Variants in ROCK2 observed in about 807,000 individuals in gnomAD.
The protein encoded by ROCK2 is Rho associated coiled-coil containing protein kinase 2.
Under a neutral mutation model 195.1 loss-of-function variants are expected in ROCK2, and 61 were observed. The observed-to-expected ratio is 0.31, with a 90% confidence interval of 0.25 to 0.39. The LOEUF (loss-of-function observed/expected upper bound fraction) is 0.39, where lower values mean the gene tolerates loss of function less well. Ranked by LOEUF, ROCK2 falls within the 10% of genes least tolerant of loss-of-function variation. ROCK2 has a pLI of 1.00. For synonymous variants in ROCK2, 504 were observed against 545.5 expected (o/e 0.92, Z 1.06); for missense variants, 1,109 against 1,637.4 (o/e 0.68, Z 5.57).
At chr2:11,198,120 C>A (rs751002505) in intron 25 of ROCK2, among the ~76,000 whole-genome samples, 17 of 152,154 alleles carry the variant, frequency 1.1e-4, no homozygotes, top group Non-Finnish European at 2.1e-4. Context: ...TAGTACCCCA[C>A]CTGTTCATGC....
chr2:11,192,164 C>A lies in ROCK2; in HGVS notation c.4147G>T (p.Ala1383Ser). 1 of 1,605,062 alleles carries A rather than the reference C, an allele frequency of 6.2e-7. No homozygotes were observed. Among genetic ancestry groups the A allele is most frequent in the Non-Finnish European group, 8.5e-7 (1 of 1,176,150 alleles). Residue 1383 changes from alanine to serine, a missense_variant, in exon 32 of 33, where the codon GCC (alanine) becomes TCC (serine). Physicochemically the swap from Ala to Ser is moderately conservative, Grantham distance 99 (BLOSUM62 1). Transcript: ENST00000315872. The surrounding 1 kb of genome is among the most constrained non-coding windows in gnomAD (Gnocchi z 5.0). ...GTTTATTACCTAGGTTTGTTTGGGG[C>A]AAGCTGTCGACTTGGCCGTCTAATA... ...QSIRRPSRQLAPNKPS is the reference protein window; with the variant it reads ...QSIRRPSRQLSPNKPS
At chr2:11,286,455 A>G in intron 3 of ROCK2, 84 bp downstream of exon 3, 1 of 838,968 alleles carries the variant, frequency 1.2e-6, no homozygotes, top group Non-Finnish European at 1.9e-6. Flanking sequence ...TGGGCATAGA[A>G]ATTAGATCTA....
rs1281241289 is a variant in ROCK2 at position 11,235,190 on chromosome 2, C to T, written c.723+512G>A. On this transcript the variant is annotated intron_variant, in intron 5 of 32. Coordinates refer to ENST00000315872, the MANE Select transcript of ROCK2 (RefSeq NM_004850.5). The surrounding 1 kb of genome is among the most constrained non-coding windows in gnomAD (Gnocchi z 4.2). ...GGTTAATGCCACTGAACCTATCAAT[C>T]ATAATATGAATTGATCAACAGGTAA... Among the ~76,000 whole-genome samples, 1 of 152,088 alleles carries T rather than the reference C, an allele frequency of 6.6e-6. No individual in the cohort carries two copies. The highest frequency in any genetic ancestry group is 2.4e-5 in the African/African-American group (1 of 41,412).
At chr2:11,306,229 T>C (rs35407012) in intron 1 of ROCK2, among the ~76,000 whole-genome samples, 60,200 of 152,024 alleles carry the variant, frequency 0.4, 13,497 homozygotes, top group Admixed American at 0.52. Flanking sequence ...AAAAGGCATG[T>C]TCCTGACTCA....
chr2:11,276,627 A>G (rs1666835947), intron 3 of ROCK2, among the ~76,000 whole-genome samples: 1 of 152,222 alleles, frequency 6.6e-6, no homozygotes, highest in South Asian at 2.1e-4. Context: ...TGTAACTCCA[A>G]TGATGTTTCT....
chr2:11,207,449 A>G (rs944320419), intron 20 of ROCK2, among the ~76,000 whole-genome samples: 3 of 152,202 alleles, frequency 2.0e-5, no homozygotes, highest in African/African-American at 7.2e-5. Context: ...GGAGGAATCT[A>G]AAAGCATGGT....
intron 14 of ROCK2, 21 bp downstream of exon 14, chr2:11,215,485 GTAAT>G (rs767738766): frequency 9.9e-6 from 16 of 1,608,096 alleles, no homozygotes; most frequent in African/African-American, 9.4e-5. Flanking sequence ...TTCTTGATGA[GTAAT>G]TAATATTCTA....
At chr2:11,251,209 C>T (rs1424972269) in intron 3 of ROCK2, among the ~76,000 whole-genome samples, 1 of 152,184 alleles carries the variant, frequency 6.6e-6, no homozygotes, top group African/African-American at 2.4e-5. Context: ...TTATTTATCA[C>T]CTATTTCTCA....
intron 3 of ROCK2, among the ~76,000 whole-genome samples, chr2:11,268,522 CTGTGTGTGTGTGTGTGTGTGTG>C (rs70953378): frequency 7.1e-6 from 1 of 140,554 alleles, no homozygotes; most frequent in Non-Finnish European, 1.6e-5. Flanking sequence ...CAGTTTTGCA[CTGTGTGTGTGTGTGTGTGTGTG>C]TGTGTGTGTG....
chr2:11,268,435 T>C (rs1460789784), intron 3 of ROCK2, among the ~76,000 whole-genome samples: 5 of 152,000 alleles, frequency 3.3e-5, no homozygotes, highest in Non-Finnish European at 7.4e-5. Flanking sequence ...ATTCGCTTCT[T>C]AAGGTCAGCC....
At chr2:11,196,245 C>A (rs141708534) in intron 27 of ROCK2, among the ~76,000 whole-genome samples, 41 of 152,294 alleles carry the variant, frequency 2.7e-4, no homozygotes, top group African/African-American at 9.4e-4. Context: ...GGGTAACGAT[C>A]GGGCCAAATT....
Position 11,207,858 on chromosome 2 carries a change from G to A in ROCK2, c.2417C>T (p.Thr806Ile). ...IEQETQKRCL[T>I]QNDLKMQTQQ... Reference sequence around the variant, plus strand: ...TGTTTGCATCTTCAGGTCATTTTGTGTAAGGCAGCGCTTCTGAGTTTCTTG... The same window carrying A: ...TGTTTGCATCTTCAGGTCATTTTGTATAAGGCAGCGCTTCTGAGTTTCTTG... Residue 806 changes from threonine (T) to isoleucine (I), a missense_variant, in exon 20 of 33, where the codon ACA (threonine) becomes ATA (isoleucine). Thr to Ile is a moderately conservative substitution (Grantham distance 89). Transcript: ENST00000315872. The A allele has an allele frequency of 6.2e-7, 1 of 1,606,798 alleles. No homozygotes were observed.
At chr2:11,198,157 C>T (rs1474497042) in intron 25 of ROCK2, among the ~76,000 whole-genome samples, 1 of 152,082 alleles carries the variant, frequency 6.6e-6, no homozygotes, top group Non-Finnish European at 1.5e-5. Flanking sequence ...TAGGAGTTGG[C>T]AGAGAGTGAA....
chr2:11,243,684 G>C (rs916948664), intron 4 of ROCK2, among the ~76,000 whole-genome samples: 18 of 152,156 alleles, frequency 1.2e-4, no homozygotes, highest in Middle Eastern at 3.4e-3. Flanking sequence ...AAACTGTCAA[G>C]GTCATCAAAA....
rs535602627 is a variant in ROCK2, at chr2:11,343,437, T to C, written c.141+559A>G. ...CGCAATAATCTCAGGGAATTAAATT[T>C]ACAGCAATTAAAATGCACTAAATAG... is the stretch of plus-strand genomic sequence containing the variant. On this transcript the variant is annotated intron_variant, in intron 1 of 32. Coordinates refer to ENST00000315872, the MANE Select transcript of ROCK2 (RefSeq NM_004850.5). Among the ~76,000 whole-genome samples, 6 of 152,334 alleles carry C rather than the reference T, an allele frequency of 3.9e-5. No individual in the cohort carries two copies. The South Asian group carries it at 1.2e-3, about 32-fold the overall frequency.
At chr2:11,248,623 C>A (rs1057017346) in intron 4 of ROCK2, among the ~76,000 whole-genome samples, 1 of 142,224 alleles carries the variant, frequency 7.0e-6, no homozygotes, top group African/African-American at 2.6e-5. Flanking sequence ...GCAGGAGAAC[C>A]GCTTGAACCC....
chr2:11,250,022 T>C (rs952517732), intron 3 of ROCK2, among the ~76,000 whole-genome samples: 1 of 152,178 alleles, frequency 6.6e-6, no homozygotes, highest in Admixed American at 6.5e-5. Context: ...CTAAATTCAA[T>C]ATACAACTCT....
At chr2:11,341,665 A>G (rs1275740441) in intron 1 of ROCK2, among the ~76,000 whole-genome samples, 1 of 152,196 alleles carries the variant, frequency 6.6e-6, no homozygotes, top group African/African-American at 2.4e-5. Flanking sequence ...TTTAAATTAT[A>G]TTCCTTTAAA....
chr2:11,337,508 A>G (rs914931398), intron 1 of ROCK2, among the ~76,000 whole-genome samples: 2 of 152,148 alleles, frequency 1.3e-5, no homozygotes, highest in Non-Finnish European at 2.9e-5. Context: ...GGGAAATGCA[A>G]ATCATGCAAA....
Sources: allele counts gnomAD v4.1 joint callset (sites outside exome capture counted in the v4.1 genomes callset), GRCh38; gene constraint gnomAD v4.1.1; non-coding constraint Gnocchi (gnomAD v3.1); transcripts MANE v1.5; gene names NCBI Gene and HGNC (gene_info 2026-07-23, HGNC 2026-07-21).